Variants in KDM6B observed in about 807,000 individuals in gnomAD.
KDM6B encodes lysine-specific demethylase 6B.
A neutral mutation model predicts 150.4 loss-of-function variants in KDM6B; 22 were observed. That is an observed-to-expected ratio of 0.15 (90% CI 0.10 to 0.21). KDM6B has a LOEUF of 0.21. Among genes scored for constraint, KDM6B ranks in the 10% least tolerant of loss-of-function variants. The probability of loss-of-function intolerance (pLI) is 1.00; values close to 1 mark genes in which losing one functional copy is unlikely to be tolerated. For synonymous variants in KDM6B, 1,148 were observed against 921.1 expected, an observed-to-expected ratio of 1.25 and a Z score of -4.46; for missense variants, 1,984 against 2,234.3, an observed-to-expected ratio of 0.89 and a Z score of 2.26.
intron 1 of KDM6B, among the ~76,000 whole-genome samples, chr17:7,835,681 A>AGCGGCG (rs1239229668): frequency 1.3e-5 from 2 of 151,646 alleles, no homozygotes; most frequent in South Asian, 2.1e-4. Flanking sequence ...GGGGAGGGGC[A>AGCGGCG]GCGGCGGAGG....
chr17:7,850,001 T>A, intron 13 of KDM6B, 54 bp downstream of exon 13: 1 of 1,613,292 alleles, frequency 6.2e-7, no homozygotes, highest in African/African-American at 1.3e-5. Flanking sequence ...TCTAAGACAG[T>A]GTTGGGGACT....
At chr17:7,851,429 C>T (rs929753832) in intron 16 of KDM6B, 35 bp downstream of exon 16, 7 of 1,614,036 alleles carry the variant, frequency 4.3e-6, no homozygotes, top group East Asian at 4.5e-5. Flanking sequence ...GTTCCTGCTT[C>T]CTTCCCCTCC....
chr17:7,836,940 G>A (rs1383599327), intron 1 of KDM6B, among the ~76,000 whole-genome samples: 1 of 152,132 alleles, frequency 6.6e-6, no homozygotes, highest in Non-Finnish European at 1.5e-5. Flanking sequence ...TCCCACCTCT[G>A]CCCCGAGTCC....
Position 7,847,924 on chromosome 17 carries a change from CCCCCAA to C in KDM6B, c.1645_1650del (p.Pro549_Thr550del). ...TCAGGATTCTCACACCCCTCCCACT[CCCCCAA>C]CCCCAACCACCAGCAGTAGCAACAG... On this transcript the variant is annotated inframe_deletion, in exon 12 of 24. Coordinates refer to ENST00000448097, the MANE Select transcript of KDM6B (RefSeq NM_001348716.2). The C allele has an allele frequency of 1.2e-6, 2 of 1,610,300 alleles. No homozygotes were observed. Among genetic ancestry groups the C allele is most frequent in the Non-Finnish European group, 1.7e-6 (2 of 1,178,244 alleles).
chr17:7,847,309 T>G lies in KDM6B; in HGVS notation c.1114T>G (p.Ser372Ala). The G allele has an allele frequency of 6.2e-7, 1 of 1,607,006 alleles. No homozygotes were observed. Among genetic ancestry groups the G allele is most frequent in the South Asian group, 1.1e-5 (1 of 91,056 alleles). ...ESRVQRSRMD[S>A]SVSPAATTAC... ...CAGAGTTCAGAGGTCGCGGATGGAC[T>G]CCAGCGTTTCACCAGCAGCAACCAC... is the stretch of plus-strand genomic sequence containing the variant. Residue 372 changes from serine (S) to alanine (A), a missense_variant, in exon 11 of 24, where the codon TCC (serine) becomes GCC (alanine). By Grantham distance (99) the Ser-to-Ala change is moderately conservative. This residue lies in a region of KDM6B where 1,379 missense variants were observed against 1,275.6 expected (regional missense o/e 1.08). Transcript: ENST00000448097.
At position 7,852,977 on chromosome 17, in the gene KDM6B, AAC is replaced by A. The variant is rs767913919; in HGVS notation, c.4611-19_4611-18del. 6 of 1,613,302 alleles carry A rather than the reference AAC, an allele frequency of 3.7e-6. No homozygotes were observed. In the African/African-American group the frequency reaches 4.0e-5, roughly 11 times the overall value. ...AGGCCTCCTCCTTGCCGGTGGTCTC[AAC>A]ACAACCCCACTGCTCCCCAGGTTCT... On this transcript the variant is annotated intron_variant, in intron 21 of 23. Transcript: ENST00000448097.
chr17:7,848,013 C>G lies in KDM6B; in HGVS notation c.1725C>G (p.Pro575=). 1 of 1,612,738 alleles carries G rather than the reference C, an allele frequency of 6.2e-7. No individual in the cohort carries two copies. The highest frequency in any genetic ancestry group is 8.5e-7 in the Non-Finnish European group (1 of 1,179,638). Residue 575 remains proline (P), a synonymous_variant, in exon 12 of 24, where the codon CCC becomes CCG. Coordinates refer to ENST00000448097, the MANE Select transcript of KDM6B (RefSeq NM_001348716.2). Reference sequence around the variant, plus strand: ...GGCCTGTGTCCTTTCCCCCACCACCCTATCTGGCCAGAAGTATAGACCCCC... The same window carrying G: ...GGCCTGTGTCCTTTCCCCCACCACCGTATCTGGCCAGAAGTATAGACCCCC... ...PAGPVSFPPP[P]YLARSIDPLP...
intron 2 of KDM6B, chr17:7,840,304 T>C (rs970442588): frequency 1.3e-5 from 2 of 152,228 alleles, no homozygotes; most frequent in African/African-American, 4.8e-5. Flanking sequence ...CAGTTGCTTA[T>C]TGAAATGAAG....
intron 1 of KDM6B, among the ~76,000 whole-genome samples, chr17:7,835,127 C>T (rs1032341334): frequency 1.3e-5 from 2 of 152,128 alleles, no homozygotes; most frequent in Non-Finnish European, 2.9e-5. Flanking sequence ...ACTTGACTTC[C>T]TGTGATCTGG....
intron 3 of KDM6B, 134 bp downstream of exon 3, chr17:7,845,154 C>T: frequency 2.9e-6 from 1 of 346,716 alleles, no homozygotes. Context: ...CACTCCTGGG[C>T]CTCTAGGGAG....
intron 21 of KDM6B, 49 bp from the exon 22 acceptor site, chr17:7,852,951 C>G (rs1376368536): frequency 6.2e-7 from 1 of 1,612,772 alleles, no homozygotes; most frequent in South Asian, 1.1e-5. Flanking sequence ...AGCCCTGCCT[C>G]AGGCCTCCTC....
At chr17:7,836,566 C>G (rs1567781098) in intron 1 of KDM6B, among the ~76,000 whole-genome samples, 1 of 152,194 alleles carries the variant, frequency 6.6e-6, no homozygotes, top group African/African-American at 2.4e-5. Flanking sequence ...GAGATCTCGC[C>G]CAGGAGAGAG....
rs543000365 is a variant in KDM6B at position 7,849,277 on chromosome 17, C to G, written c.2989C>G (p.Arg997Gly). The change falls in exon 12 of 24, where the codon CGG becomes GGG. Residue 997 changes from arginine (R) to glycine (G), a missense_variant. Physicochemically the swap from Arg to Gly is moderately radical, Grantham distance 125. Around this residue, in one of 13 missense-constraint regions of KDM6B, gnomAD observed 1,379 missense variants for 1,275.6 expected, o/e 1.08. Transcript: ENST00000448097. Reference sequence around the variant, plus strand: ...GGCCTGTAAGGACAGTGTGGGTCGTCGGCCCCGTGAGGGCAGGGCAAAGGC... The same window carrying G: ...GGCCTGTAAGGACAGTGTGGGTCGTGGGCCCCGTGAGGGCAGGGCAAAGGC... Reference protein sequence around the residue: ...RRACKDSVGRRPREGRAKAKA... With the variant: ...RRACKDSVGRGPREGRAKAKA... 19 of 1,555,420 alleles carry G rather than the reference C, an allele frequency of 1.2e-5. No individual in the cohort carries two copies. In the African/African-American group the frequency reaches 2.2e-4, roughly 18 times the overall value.
intron 21 of KDM6B, among the ~76,000 whole-genome samples, 159 bp from the exon 22 acceptor site, chr17:7,852,841 C>T (rs1478592463): frequency 6.6e-6 from 1 of 152,208 alleles, no homozygotes; most frequent in Non-Finnish European, 1.5e-5. Context: ...GGAAACTTCG[C>T]CTATAACAGA....
At chr17:7,839,446 C>T (rs911870673) in intron 1 of KDM6B, among the ~76,000 whole-genome samples, 3 of 152,006 alleles carry the variant, frequency 2.0e-5, no homozygotes, top group African/African-American at 7.3e-5. Context: ...CCTGCACCCG[C>T]CTGGGGGAAG....
Position 7,854,433 on chromosome 17 carries a change from T to G in KDM6B, c.*912T>G, listed in dbSNP as rs2078770963. On this transcript the variant is annotated 3_prime_UTR_variant, in exon 24 of 24. Transcript: ENST00000448097. ...AAAAAAAATAAATAAAATAAAAAAA[T>G]TAAAGGTTTTAAAGAAAGAACTATG... 1 of 152,126 alleles carries G rather than the reference T, an allele frequency of 6.6e-6. No homozygotes were observed. Among genetic ancestry groups the G allele is most frequent in the African/African-American group, 2.4e-5 (1 of 41,346 alleles). 9.4% of individuals were successfully genotyped at this position (152,126 alleles called of 1,614,324 possible).
chr17:7,850,202 T>C (rs1006843749), intron 14 of KDM6B, 25 bp downstream of exon 14: 1 of 1,583,246 alleles, frequency 6.3e-7, no homozygotes, highest in African/African-American at 1.3e-5. Flanking sequence ...CAGAAAGTGT[T>C]AGGGAGGGCT....
At chr17:7,834,978 G>T (rs1268185322) in intron 1 of KDM6B, among the ~76,000 whole-genome samples, 1 of 152,070 alleles carries the variant, frequency 6.6e-6, no homozygotes, top group Non-Finnish European at 1.5e-5. Flanking sequence ...CGCCCCGCAC[G>T]GCTTCTCGGT....
In KDM6B at chr17:7,849,119, C is replaced by T. The variant is rs2078635171; in HGVS notation, c.2831C>T (p.Pro944Leu). The change falls in exon 12 of 24, where the codon CCA becomes CTA. Residue 944 changes from proline (P) to leucine (L), a missense_variant. Transcript: ENST00000448097. Reference protein sequence around the residue: ...DPADPVDTAEPADSGTERLLP... With the variant: ...DPADPVDTAELADSGTERLLP... ...GCCGACCCAGTGGACACAGCAGAGCCAGCGGACAGTGGGACTGAGCGACTG... is the reference window on the plus strand; with the variant it reads ...GCCGACCCAGTGGACACAGCAGAGCTAGCGGACAGTGGGACTGAGCGACTG... 1 of 1,612,364 alleles carries T rather than the reference C, an allele frequency of 6.2e-7. No individual in the cohort carries two copies. The highest frequency in any genetic ancestry group is 8.5e-7 in the Non-Finnish European group (1 of 1,179,902).
Sources: gnomAD v4.1 joint callset for allele counts (sites outside exome capture counted in the v4.1 genomes callset) on GRCh38, gnomAD v4.1.1 for gene constraint, gnomAD v4.1.1 regional missense constraint, MANE v1.5 for transcripts, NCBI Gene and HGNC (gene_info 2026-07-23, HGNC 2026-07-21) for gene names.